Variants in SLC43A1 observed in about 807,000 individuals in gnomAD.
SLC43A1 encodes the protein large neutral amino acids transporter small subunit 3.
Under a neutral mutation model 59.5 loss-of-function variants are expected in SLC43A1, and 31 were observed. The observed-to-expected ratio is 0.52, with a 90% CI of 0.39 to 0.70. SLC43A1 has a LOEUF of 0.70. Ranked by LOEUF, SLC43A1 falls within the 30% of genes least tolerant of loss-of-function variation. SLC43A1 has a pLI of 0.00. For synonymous variants in SLC43A1, 259 were observed against 290.9 expected, an observed-to-expected ratio of 0.89 and a Z score of 1.12; for missense variants, 598 against 717.8, an observed-to-expected ratio of 0.83 and a Z score of 1.91.
In SLC43A1 at chr11:57,501,252, G is replaced by A. The variant is rs986006753; in HGVS notation, c.232C>T (p.Leu78=). 1.9e-6 allele frequency: 3 copies of A among 1,612,628 alleles called. No individual in the cohort carries two copies. Among genetic ancestry groups the A allele is most frequent in the South Asian group, 2.2e-5 (2 of 91,092 alleles). The part of the protein sequence containing the change: ...GCDQQDEMLN[L]GFTIGSFVLS... ...ACGAAGGAACCAATGGTGAAGCCCA[G>A]GTTGAGCATCTCGTCCTGCTGGTCA... The change falls in exon 3 of 15, where the codon CTG becomes TTG. Residue 78 remains leucine (L), a synonymous_variant. Transcript: ENST00000278426.
At chr11:57,506,673 G>A (rs778371207) in intron 2 of SLC43A1, among the ~76,000 whole-genome samples, 12 of 150,306 alleles carry the variant, frequency 8.0e-5, no homozygotes, top group Non-Finnish European at 1.3e-4. Context: ...AAAGGTTCTG[G>A]AGTCCAATGT....
intron 2 of SLC43A1, among the ~76,000 whole-genome samples, chr11:57,508,781 C>A (rs1346367715): frequency 2.6e-5 from 4 of 151,964 alleles, no homozygotes; most frequent in African/African-American, 9.7e-5. Flanking sequence ...CAGAGTGAGA[C>A]CCTATCTCAA....
At chr11:57,510,457 C>CAAAAAAA (rs61412196) in intron 2 of SLC43A1, among the ~76,000 whole-genome samples, 2 of 25,772 alleles carry the variant, frequency 7.8e-5, no homozygotes, top group African/African-American at 3.1e-4. Context: ...GACTCCATCT[C>CAAAAAAA]AAAAAAAAAA....
chr11:57,489,446 G>A (rs1943838244), intron 11 of SLC43A1, 54 bp from the exon 12 acceptor site: 4 of 1,601,410 alleles, frequency 2.5e-6, no homozygotes, highest in Admixed American at 3.4e-5. Context: ...AGGACTCCCT[G>A]GTTCTTGGCC....
Position 57,494,076 on chromosome 11 carries a change from T to C in SLC43A1, c.788A>G (p.Gln263Arg). The change falls in exon 8 of 15, where the codon CAG (glutamine) becomes CGG (arginine). Residue 263 changes from glutamine to arginine, a missense_variant. By Grantham distance (43) the Gln-to-Arg change is conservative (BLOSUM62 1). Transcript: ENST00000278426. The part of the protein sequence containing the change: ...HVTTMGQRLS[Q>R]KAPSLEDGSD... ...ACCGTCCTCCAGGCTGGGGGCCTTC[T>C]GGCTGAGCCTCTGGCCCATGGTGGT... 6.2e-7 allele frequency: 1 copy of C among 1,611,770 alleles called. No homozygotes were observed. Among genetic ancestry groups the C allele is most frequent in the Non-Finnish European group, 8.5e-7 (1 of 1,178,944 alleles).
rs1257869404 is a variant in SLC43A1 at position 57,491,717 on chromosome 11, A to T, written c.1017T>A (p.His339Gln). The T allele has an allele frequency of 6.2e-7, 1 of 1,614,220 alleles. No individual in the cohort carries two copies. Among genetic ancestry groups the T allele is most frequent in the South Asian group, 1.1e-5 (1 of 91,086 alleles). Residue 339 changes from histidine (H) to glutamine (Q), a missense_variant and splice_region_variant, in exon 9 of 15, where the codon CAT becomes CAA. By Grantham distance (24) the His-to-Gln change is conservative. Transcript: ENST00000278426. The stretch of plus-strand genomic sequence containing the variant: ...CCAGGGGCCTCAGCGGTGCCTCACC[A>T]TGCTCCTGGCCACCAGTCACAAGGT... Reference protein sequence around the residue: ...LEYLVTGGQEHETNEQQQKVA... With the variant: ...LEYLVTGGQEQETNEQQQKVA...
At chr11:57,492,548 A>AATTTTGTG (rs1943951740) in intron 8 of SLC43A1, among the ~76,000 whole-genome samples, 3 of 19,936 alleles carry the variant, frequency 1.5e-4, no homozygotes, top group Non-Finnish European at 3.1e-4. Flanking sequence ...ATATATATAT[A>AATTTTGTG]TATATATATA....
intron 6 of SLC43A1, among the ~76,000 whole-genome samples, chr11:57,497,414 G>C (rs1944119098): frequency 6.6e-6 from 1 of 152,246 alleles, no homozygotes; most frequent in Admixed American, 6.5e-5. Flanking sequence ...TAAAGCCAGA[G>C]AGTCAGGGAC....
At chr11:57,495,278 CAGG>C (rs755204783) in intron 7 of SLC43A1, among the ~76,000 whole-genome samples, 56 of 151,884 alleles carry the variant, frequency 3.7e-4, no homozygotes, top group Non-Finnish European at 7.4e-4. Context: ...CACTTGAGGC[CAGG>C]AGTTCAAGAC....
chr11:57,501,109 C>G (rs1944250756), intron 3 of SLC43A1, 43 bp downstream of exon 3: 2 of 1,612,282 alleles, frequency 1.2e-6, no homozygotes, highest in South Asian at 1.1e-5. Context: ...CCCCCTGCAG[C>G]ACGGTCCCTG....
Position 57,507,037 on chromosome 11 carries a change from T to A in SLC43A1, c.155-5708A>T, listed in dbSNP as rs558151370. On this transcript the variant is annotated intron_variant, in intron 2 of 14. Transcript: ENST00000278426. ...TTGATACTAGTGAATGCTTCAATAA[T>A]GAGTTCCAGGCCAGGCACAGTGGCT... Among the ~76,000 whole-genome samples, 14 of 152,282 alleles carry A rather than the reference T, an allele frequency of 9.2e-5. No individual in the cohort carries two copies. The East Asian group carries it at 2.7e-3, about 29-fold the overall frequency.
In SLC43A1 at chr11:57,514,814, C is replaced by A; in HGVS notation, c.-14+630G>T. The A allele has an allele frequency of 1.0e-6, 1 of 985,548 alleles. No individual in the cohort carries two copies. Among genetic ancestry groups the A allele is most frequent in the Non-Finnish European group, 1.2e-6 (1 of 830,042 alleles). 61.1% of individuals were successfully genotyped at this position (985,548 alleles called of 1,614,324 possible). A position where few individuals can be genotyped will look rare whatever the true frequency, so the allele number is the denominator to read the frequency against. ...GCTCGGGGCACCAGGCTTTGCACCT[C>A]GGAACCCGCTTGCCCCCCTCCAGCC... On this transcript the variant is annotated intron_variant, in intron 1 of 14. Transcript: ENST00000278426. The surrounding 1 kb of genome is among the most constrained non-coding windows in gnomAD (Gnocchi z 5.5).
chr11:57,494,387 G>T, intron 7 of SLC43A1: 1 of 517,136 alleles, frequency 1.9e-6, no homozygotes, highest in Non-Finnish European at 3.3e-6. Flanking sequence ...GAGTGGATCA[G>T]CTGTTTTTCA....
intron 2 of SLC43A1, among the ~76,000 whole-genome samples, chr11:57,507,441 G>A (rs963482763): frequency 6.6e-6 from 1 of 152,184 alleles, no homozygotes; most frequent in Non-Finnish European, 1.5e-5. Context: ...CTGCACTCCA[G>A]TCTGGGCGAC....
chr11:57,492,410 G>C (rs2135160570), intron 8 of SLC43A1, among the ~76,000 whole-genome samples: 1 of 124,000 alleles, frequency 8.1e-6, no homozygotes, highest in African/African-American at 3.1e-5. Flanking sequence ...GGTCAACATA[G>C]CAAGACCCTA....
In SLC43A1 at chr11:57,514,789, G is replaced by C; in HGVS notation, c.-14+655C>G. 1.0e-6 allele frequency: 1 copy of C among 984,776 alleles called. No homozygotes were observed. The highest frequency in any genetic ancestry group is 1.2e-6 in the Non-Finnish European group (1 of 829,346). The allele number at this position is 984,776 out of a possible 1,614,324, so 61.0% of individuals were successfully genotyped here. ...GCGCGCCCCTCACTCACTCCGCAGG[G>C]CTCGGGGCACCAGGCTTTGCACCTC... On this transcript the variant is annotated intron_variant, in intron 1 of 14. Coordinates refer to ENST00000278426, the MANE Select transcript of SLC43A1 (RefSeq NM_003627.6). The surrounding 1 kb of genome is among the most constrained non-coding windows in gnomAD (Gnocchi z 5.5).
At chr11:57,508,743 T>C (rs1404884884) in intron 2 of SLC43A1, among the ~76,000 whole-genome samples, 2 of 151,762 alleles carry the variant, frequency 1.3e-5, no homozygotes, top group Admixed American at 6.6e-5. Context: ...GCAGCAATGA[T>C]CACACCACTG....
In SLC43A1 at chr11:57,514,157, C is replaced by G. The variant is rs1223592055; in HGVS notation, c.-13-33G>C. Reference sequence around the variant, plus strand: ...GAAACAGAGCGCTGGGTGAAGGGCCCCCCAGTGGCCCCAGGGAAGGGTCCT... The same window carrying G: ...GAAACAGAGCGCTGGGTGAAGGGCCGCCCAGTGGCCCCAGGGAAGGGTCCT... On this transcript the variant is annotated intron_variant, in intron 1 of 14. Transcript: ENST00000278426. This position sits in a 1 kb window ranked among gnomAD's most constrained non-coding sequence, Gnocchi z 5.5. 1 of 1,529,040 alleles carries G rather than the reference C, an allele frequency of 6.5e-7. No homozygotes were observed. Among genetic ancestry groups the G allele is most frequent in the East Asian group, 2.4e-5 (1 of 41,538 alleles). The allele number at this position is 1,529,040 out of a possible 1,614,324, so 94.7% of individuals were successfully genotyped here.
chr11:57,505,364 T>C (rs977520695), intron 2 of SLC43A1, among the ~76,000 whole-genome samples: 4 of 151,958 alleles, frequency 2.6e-5, no homozygotes, highest in Non-Finnish European at 4.4e-5. Flanking sequence ...ATACAAACAT[T>C]AGCCGGGTGT....
Sources: gnomAD v4.1 joint callset for allele counts (sites outside exome capture counted in the v4.1 genomes callset) on GRCh38, gnomAD v4.1.1 for gene constraint, Gnocchi (gnomAD v3.1) non-coding constraint, MANE v1.5 for transcripts, NCBI Gene and HGNC (gene_info 2026-07-23, HGNC 2026-07-21) for gene names.